The following FARP2 variants were observed in gnomAD, a reference collection of about 807,000 sequenced individuals.
The protein encoded by FARP2 is FERM, ARHGEF and pleckstrin domain-containing protein 2.
FARP2 carries 111 observed loss-of-function variants against 130.5 expected under a neutral mutation model. That is an observed-to-expected ratio of 0.85 (90% CI 0.73 to 1.00). The LOEUF is 1.00. FARP2 is among the 50% of genes least tolerant of loss of function. FARP2 has a pLI of 0.00. For missense variants in FARP2, 1,385 were observed against 1,346.3 expected (o/e 1.03, Z -0.45); for synonymous variants, 504 against 516.9 (o/e 0.98, Z 0.34).
chr2:241,455,735 CTT>C (rs1180839402), intron 13 of FARP2, among the ~76,000 whole-genome samples: 139 of 94,770 alleles, frequency 1.5e-3, no homozygotes, highest in African/African-American at 4.9e-3. Context: ...CTAAAGTTTT[CTT>C]TTTTTTTTTT....
At chr2:241,490,247 C>T (rs1045062904) in intron 22 of FARP2, among the ~76,000 whole-genome samples, 2 of 152,222 alleles carry the variant, frequency 1.3e-5, no homozygotes, top group African/African-American at 4.8e-5. Flanking sequence ...TGCTTGCCAA[C>T]CTGACAACAC....
chr2:241,441,453 C>T lies in FARP2; in HGVS notation c.1308C>T (p.Tyr436=), dbSNP rs747633010. 6.8e-6 allele frequency: 11 copies of T among 1,614,220 alleles called. No homozygotes were observed. The highest frequency in any genetic ancestry group is 6.8e-6 in the Non-Finnish European group (8 of 1,180,046). Residue 436 remains tyrosine, a synonymous_variant, in exon 13 of 27, where the codon TAC becomes TAT. Coordinates refer to ENST00000264042, the MANE Select transcript of FARP2 (RefSeq NM_014808.4). ...CCCTCACAGATCCCCAGGTTTCCTA[C>T]GTCAAGAGTCCAGCTGCAGAGAGGC... ...SSSLTDPQVS[Y]VKSPAAERRS...
chr2:241,401,818 C>T (rs943083154), intron 2 of FARP2, among the ~76,000 whole-genome samples: 2 of 151,228 alleles, frequency 1.3e-5, no homozygotes, highest in African/African-American at 4.9e-5. Context: ...GAGTTTCGCT[C>T]GTCGCCCAGG....
intron 12 of FARP2, among the ~76,000 whole-genome samples, chr2:241,440,223 T>G (rs770971277): frequency 6.6e-6 from 1 of 152,154 alleles, no homozygotes; most frequent in East Asian, 1.9e-4. Context: ...GCACAAAAAG[T>G]TATTCAGTTG....
At chr2:241,409,038 TGATA>T (rs56030352) in intron 5 of FARP2, among the ~76,000 whole-genome samples, 10,183 of 145,994 alleles carry the variant, frequency 0.07, 382 homozygotes, top group African/African-American at 0.096. Flanking sequence ...GATAGATAGA[TGATA>T]GATAGATAGA....
intron 1 of FARP2, among the ~76,000 whole-genome samples, chr2:241,367,975 A>G (rs1275997572): frequency 6.6e-6 from 1 of 151,842 alleles, no homozygotes; most frequent in African/African-American, 2.4e-5. Flanking sequence ...CCACCCCCAC[A>G]TACACACAGC....
At chr2:241,478,848 A>G (rs1187113754) in intron 19 of FARP2, 7 of 388,186 alleles carry the variant, frequency 1.8e-5, no homozygotes, top group Non-Finnish European at 3.5e-5. Context: ...CTGGTCAGCA[A>G]TGGCTCTTCT....
chr2:241,425,634 T>TA (rs1167925220), intron 8 of FARP2, among the ~76,000 whole-genome samples: 5,243 of 45,984 alleles, frequency 0.11, 413 homozygotes, highest in Middle Eastern at 0.31. Context: ...TCCTACCAAG[T>TA]AAAAAAAAAA....
chr2:241,414,022 G>T lies in FARP2; in HGVS notation c.623+601G>T, dbSNP rs1337617877. On this transcript the variant is annotated intron_variant, in intron 7 of 26. Coordinates refer to ENST00000264042, the MANE Select transcript of FARP2 (RefSeq NM_014808.4). ...ACTGAGCAGGATGGGGTGGCTATTG[G>T]GGGGGTGTCAGCTGCTGCAGTGTCT... Among the ~76,000 whole-genome samples, 4 of 152,046 alleles carry T rather than the reference G, an allele frequency of 2.6e-5. No homozygotes were observed. The East Asian group carries it at 5.8e-4, about 22-fold the overall frequency.
At chr2:241,385,697 G>A (rs2061767456) in intron 2 of FARP2, among the ~76,000 whole-genome samples, 2 of 151,960 alleles carry the variant, frequency 1.3e-5, no homozygotes, top group African/African-American at 4.8e-5. Context: ...TCCAGCCTGG[G>A]TGACAGAGCC....
chr2:241,425,634 TAAAAA>T (rs1167925220), intron 8 of FARP2, among the ~76,000 whole-genome samples: 11 of 45,956 alleles, frequency 2.4e-4, no homozygotes, highest in African/African-American at 6.2e-4. Flanking sequence ...TCCTACCAAG[TAAAAA>T]AAAAAAAAAA....
At chr2:241,430,069 A>G (rs978016468) in intron 8 of FARP2, among the ~76,000 whole-genome samples, 2 of 152,140 alleles carry the variant, frequency 1.3e-5, no homozygotes, top group African/African-American at 4.8e-5. Context: ...TGGAAGGAAG[A>G]GTTTTCTCTC....
At chr2:241,487,217 C>T (rs2064772766) in intron 21 of FARP2, among the ~76,000 whole-genome samples, 1 of 152,220 alleles carries the variant, frequency 6.6e-6, no homozygotes, top group African/African-American at 2.4e-5. Context: ...TAAACTCCAT[C>T]TTGATGGGTT....
chr2:241,382,707 A>G (rs533030979), intron 2 of FARP2, among the ~76,000 whole-genome samples: 37 of 152,352 alleles, frequency 2.4e-4, no homozygotes, highest in South Asian at 4.1e-4. Context: ...ATTGTATTCC[A>G]GAAACAGCAG....
chr2:241,465,770 C>A lies in FARP2; in HGVS notation c.1893+1790C>A, dbSNP rs1056463990. On this transcript the variant is annotated intron_variant, in intron 17 of 26. Coordinates refer to ENST00000264042, the MANE Select transcript of FARP2 (RefSeq NM_014808.4). ...GTGACGACGACGACTCAAGCTCCCCCTCCTCCATCCCTCGCCTGTCCCACC... is the reference window on the plus strand; with the variant it reads ...GTGACGACGACGACTCAAGCTCCCCATCCTCCATCCCTCGCCTGTCCCACC... The A allele has an allele frequency of 8.4e-6, 13 of 1,550,516 alleles. No homozygotes were observed. The African/African-American group carries it at 1.8e-4, about 21-fold the overall frequency.
intron 4 of FARP2, among the ~76,000 whole-genome samples, chr2:241,406,650 G>C (rs921877442): frequency 6.6e-6 from 1 of 151,948 alleles, no homozygotes; most frequent in Admixed American, 6.6e-5. Context: ...GGCGGGTAGA[G>C]ATGGGATTTC....
chr2:241,490,799 C>A (rs770935965), intron 22 of FARP2, among the ~76,000 whole-genome samples: 1 of 152,236 alleles, frequency 6.6e-6, no homozygotes, highest in Non-Finnish European at 1.5e-5. Flanking sequence ...AATACCCCTG[C>A]AGACCCCCTG....
At chr2:241,380,694 A>G (rs1187854646) in intron 2 of FARP2, among the ~76,000 whole-genome samples, 2 of 99,234 alleles carry the variant, frequency 2.0e-5, no homozygotes, top group Admixed American at 9.8e-5. Flanking sequence ...ATAATAATAT[A>G]TTATATTATA....
intron 14 of FARP2, among the ~76,000 whole-genome samples, chr2:241,461,047 A>T (rs2064003260): frequency 6.6e-6 from 1 of 152,202 alleles, no homozygotes; most frequent in South Asian, 2.1e-4. Context: ...AGGCTCTGCT[A>T]AACTTCACAG....
Sources: gnomAD v4.1 joint callset for allele counts (sites outside exome capture counted in the v4.1 genomes callset) on GRCh38, gnomAD v4.1.1 for gene constraint, MANE v1.5 for transcripts, NCBI Gene and HGNC (gene_info 2026-07-23, HGNC 2026-07-21) for gene names.